LRFN5: variants seen among roughly 807,000 people sequenced by gnomAD.
LRFN5 encodes the protein leucine-rich repeat and fibronectin type-III domain-containing protein 5.
Under a neutral mutation model 45.6 loss-of-function variants are expected in LRFN5, and 24 were observed. That is an observed-to-expected ratio of 0.53 (90% CI 0.38 to 0.74). The LOEUF is 0.74. LRFN5 is among the 30% of genes least tolerant of loss of function. LRFN5 has a pLI of 0.00. For missense variants in LRFN5, 776 were observed against 861.5 expected (o/e 0.90, Z 1.24); for synonymous variants, 340 against 313.8 (o/e 1.08, Z -0.88).
chr14:41,831,656 T>C (rs941560944), intron 2 of LRFN5, among the ~76,000 whole-genome samples: 3 of 152,192 alleles, frequency 2.0e-5, no homozygotes, highest in Non-Finnish European at 4.4e-5. Context: ...CAAATATTAA[T>C]ATATTATTAC....
chr14:41,788,205 A>G (rs1052356219), intron 2 of LRFN5, among the ~76,000 whole-genome samples: 5 of 152,122 alleles, frequency 3.3e-5, no homozygotes, highest in South Asian at 2.1e-4. Context: ...GAGTTCATAG[A>G]CTTACTTGAA....
chr14:41,768,153 A>G (rs1189437241), intron 2 of LRFN5, among the ~76,000 whole-genome samples: 1 of 152,170 alleles, frequency 6.6e-6, no homozygotes, highest in African/African-American at 2.4e-5. Flanking sequence ...TTACATGTCA[A>G]TATGCAATAG....
At chr14:41,869,295 AG>A (rs1889938894) in intron 2 of LRFN5, among the ~76,000 whole-genome samples, 1 of 152,154 alleles carries the variant, frequency 6.6e-6, no homozygotes. Flanking sequence ...CAGGTCTGTT[AG>A]GAAGTCCCTA....
At chr14:41,778,467 T>A (rs1010062329) in intron 2 of LRFN5, among the ~76,000 whole-genome samples, 1 of 151,780 alleles carries the variant, frequency 6.6e-6, no homozygotes, top group African/African-American at 2.4e-5. Flanking sequence ...TTTATTTCTT[T>A]GATTATCGTT....
intron 2 of LRFN5, among the ~76,000 whole-genome samples, chr14:41,817,768 G>A (rs187943598): frequency 6.6e-6 from 1 of 152,100 alleles, no homozygotes. Context: ...ACTCCGGGGG[G>A]TAAAATACAA....
At chr14:41,653,564 A>G (rs1249268308) in intron 1 of LRFN5, among the ~76,000 whole-genome samples, 1 of 152,178 alleles carries the variant, frequency 6.6e-6, no homozygotes, top group African/African-American at 2.4e-5. Flanking sequence ...CAAACAAAGT[A>G]TGTAGAGGGA....
At chr14:41,796,249 T>A (rs1887127325) in intron 2 of LRFN5, among the ~76,000 whole-genome samples, 1 of 151,992 alleles carries the variant, frequency 6.6e-6, no homozygotes, top group Non-Finnish European at 1.5e-5. Flanking sequence ...TTAATGATAA[T>A]AGTAATGTTA....
chr14:41,812,286 G>T (rs975886857), intron 2 of LRFN5, among the ~76,000 whole-genome samples: 1 of 151,666 alleles, frequency 6.6e-6, no homozygotes, highest in Non-Finnish European at 1.5e-5. Flanking sequence ...ACAGAATTTG[G>T]ATTTATTATA....
At chr14:41,631,864 G>A (rs920358266) in intron 1 of LRFN5, among the ~76,000 whole-genome samples, 1 of 152,180 alleles carries the variant, frequency 6.6e-6, no homozygotes, top group Non-Finnish European at 1.5e-5. Context: ...TCAGAGAGGA[G>A]TAAGTCCTGG....
rs72419844 is a variant in LRFN5, at chr14:41,877,622, A to ATG, written c.-20-8974_-20-8973dup. Reference sequence around the variant, plus strand: ...TAAATTTATTTCATGGTAAAAATACATGTGTGTGTGTATATATATACACAC... The same window carrying ATG: ...TAAATTTATTTCATGGTAAAAATACATGTGTGTGTGTGTATATATATACACAC... On this transcript the variant is annotated intron_variant, in intron 2 of 5. Transcript: ENST00000298119. 1.1e-4 allele frequency among the ~76,000 whole-genome samples: 16 copies of ATG among 149,628 alleles called. No homozygotes were observed. The South Asian group carries it at 1.2e-3, about 12-fold the overall frequency.
chr14:41,852,318 A>C (rs1889298012), intron 2 of LRFN5, among the ~76,000 whole-genome samples: 1 of 151,926 alleles, frequency 6.6e-6, no homozygotes, highest in South Asian at 2.1e-4. Flanking sequence ...AAAGGAAGAC[A>C]ACCTTCTAAT....
At chr14:41,675,648 G>T (rs1198494261) in intron 1 of LRFN5, among the ~76,000 whole-genome samples, 5 of 152,044 alleles carry the variant, frequency 3.3e-5, no homozygotes, top group Admixed American at 2.6e-4. Context: ...AGGCGATTTT[G>T]TTATTTATTG....
chr14:41,783,028 TG>T (rs1886587930), intron 2 of LRFN5, among the ~76,000 whole-genome samples: 1 of 142,854 alleles, frequency 7.0e-6, no homozygotes, highest in African/African-American at 2.6e-5. Context: ...TTGGCTCAAG[TG>T]GGTGGAAATC....
intron 1 of LRFN5, among the ~76,000 whole-genome samples, chr14:41,744,612 G>A (rs545775838): frequency 3.0e-4 from 46 of 151,998 alleles, no homozygotes; most frequent in African/African-American, 1.1e-3. Context: ...ACACACACAC[G>A]CACACCATAA....
chr14:41,630,142 C>T (rs1229929654), intron 1 of LRFN5, among the ~76,000 whole-genome samples: 1 of 152,086 alleles, frequency 6.6e-6, no homozygotes, highest in Non-Finnish European at 1.5e-5. Flanking sequence ...CAGAGGTTTT[C>T]TCTGACCCTG....
rs138989993 is a variant in LRFN5 at position 41,624,819 on chromosome 14, C to T, written c.-197+16257C>T. ...TTACCTCTAAGTGTGCATACATGCA[C>T]GTAGACATTCACAGGATTTATAATT... On this transcript the variant is annotated intron_variant, in intron 1 of 5. Coordinates refer to ENST00000298119, the MANE Select transcript of LRFN5 (RefSeq NM_152447.5). 2.7e-3 allele frequency among the ~76,000 whole-genome samples: 408 copies of T among 152,184 alleles called. 2 individuals are homozygous for T. Among genetic ancestry groups the T allele is most frequent in the Non-Finnish European group, 5.0e-3 (337 of 67,988 alleles).
intron 1 of LRFN5, among the ~76,000 whole-genome samples, chr14:41,642,985 G>A (rs545276480): frequency 1.3e-5 from 2 of 152,182 alleles, no homozygotes; most frequent in African/African-American, 2.4e-5. Context: ...ATATCTTAGC[G>A]CAAGTAATAA....
At chr14:41,709,205 T>C (rs187747314) in intron 1 of LRFN5, among the ~76,000 whole-genome samples, 90 of 152,144 alleles carry the variant, frequency 5.9e-4, no homozygotes, top group Admixed American at 2.4e-3. Context: ...TTTTATTTTA[T>C]TTTATATCTG....
At chr14:41,658,682 C>T (rs1328988429) in intron 1 of LRFN5, among the ~76,000 whole-genome samples, 4 of 151,910 alleles carry the variant, frequency 2.6e-5, no homozygotes, top group African/African-American at 9.7e-5. Context: ...AGCATATTTT[C>T]CCAAATACCT....
Sources: gnomAD v4.1 joint callset for allele counts (sites outside exome capture counted in the v4.1 genomes callset) on GRCh38, gnomAD v4.1.1 for gene constraint, MANE v1.5 for transcripts, NCBI Gene and HGNC (gene_info 2026-07-23, HGNC 2026-07-21) for gene names.